Variants in DCHS2 observed in about 807,000 individuals in gnomAD.
The protein encoded by DCHS2 is protocadherin-23.
DCHS2 carries 142 observed loss-of-function variants against 182.4 expected under a neutral mutation model. The ratio of observed to expected loss-of-function variants is 0.78; its 90% CI spans 0.68 to 0.89. The LOEUF (loss-of-function observed/expected upper bound fraction) is 0.89. DCHS2 is among the 40% of genes least tolerant of loss of function. DCHS2 has a pLI of 0.00. For synonymous variants in DCHS2, 1,740 were observed against 1,663.3 expected (o/e 1.05, Z -1.12); for missense variants, 4,319 against 4,198.6 (o/e 1.03, Z -0.79).
chr4:154,383,391 C>T (rs898542563), intron 1 of DCHS2, among the ~76,000 whole-genome samples: 3 of 152,164 alleles, frequency 2.0e-5, no homozygotes, highest in African/African-American at 2.4e-5. Context: ...GCGATGGGAT[C>T]AATTGTACCC....
chr4:154,378,327 TG>T (rs1383384920), intron 1 of DCHS2, among the ~76,000 whole-genome samples: 5 of 151,944 alleles, frequency 3.3e-5, no homozygotes, highest in Non-Finnish European at 7.4e-5. Context: ...CATAGGCTCA[TG>T]ATAGATAATG....
chr4:154,267,657 G>C (rs569156783), intron 14 of DCHS2, among the ~76,000 whole-genome samples: 1 of 152,182 alleles, frequency 6.6e-6, no homozygotes, highest in South Asian at 2.1e-4. Flanking sequence ...TTTATGCCCT[G>C]GTGCTTCCTT....
At chr4:154,384,399 T>G in intron 1 of DCHS2, 2 of 1,613,570 alleles carry the variant, frequency 1.2e-6, no homozygotes, top group Non-Finnish European at 1.7e-6. Context: ...TGCGTTCTCT[T>G]CCTGGCTTCT....
At position 154,490,127 on chromosome 4, in the gene DCHS2, C is replaced by T. The variant is rs1338944148; in HGVS notation, c.1229G>A (p.Arg410Gln). Residue 410 changes from arginine (R) to glutamine (Q), a missense_variant, in exon 1 of 20, where the codon CGG becomes CAG. Transcript: ENST00000357232. The part of the protein sequence containing the change: ...SIAVLDVNDN[R>Q]PAIHVLFLTE... Reference sequence around the variant, plus strand: ...GAGAAAGAGCACGTGAATTGCTGGCCGGTTGTCATTCACGTCCAGCACGGC... The same window carrying T: ...GAGAAAGAGCACGTGAATTGCTGGCTGGTTGTCATTCACGTCCAGCACGGC... 112 of 1,547,704 alleles carry T rather than the reference C, an allele frequency of 7.2e-5. No individual in the cohort carries two copies. The highest frequency in any genetic ancestry group is 8.7e-5 in the Non-Finnish European group (100 of 1,145,154).
intron 13 of DCHS2, among the ~76,000 whole-genome samples, chr4:154,277,445 G>T (rs1733901728): frequency 6.6e-6 from 1 of 152,094 alleles, no homozygotes; most frequent in Non-Finnish European, 1.5e-5. Context: ...CCCTCAGAAA[G>T]AAACTGGCAA....
intron 3 of DCHS2, among the ~76,000 whole-genome samples, chr4:154,353,549 G>T (rs1185773289): frequency 1.3e-5 from 2 of 152,182 alleles, no homozygotes; most frequent in East Asian, 1.9e-4. Context: ...CACCCTCATT[G>T]TTCCCTGACT....
intron 2 of DCHS2, among the ~76,000 whole-genome samples, chr4:154,372,415 G>A (rs1371276262): frequency 6.6e-6 from 1 of 152,172 alleles, no homozygotes; most frequent in African/African-American, 2.4e-5. Flanking sequence ...CTTTTCTCAT[G>A]AATGTAAAGA....
At chr4:154,251,982 T>C (rs1164224521) in intron 16 of DCHS2, among the ~76,000 whole-genome samples, 1 of 151,640 alleles carries the variant, frequency 6.6e-6, no homozygotes, top group Non-Finnish European at 1.5e-5. Flanking sequence ...TTTTCTTCTA[T>C]GTGGCTTAAT....
At chr4:154,388,691 T>C (rs897753479) in intron 1 of DCHS2, among the ~76,000 whole-genome samples, 2 of 152,026 alleles carry the variant, frequency 1.3e-5, no homozygotes, top group African/African-American at 4.8e-5. Flanking sequence ...AGATGGGGTT[T>C]CACCGTGTTA....
intron 1 of DCHS2, among the ~76,000 whole-genome samples, chr4:154,386,886 ACTAT>A (rs1333181037): frequency 4.6e-5 from 7 of 152,224 alleles, no homozygotes; most frequent in South Asian, 4.1e-4. Context: ...CTCATAAAAC[ACTAT>A]CTATTAACGA....
intron 1 of DCHS2, among the ~76,000 whole-genome samples, chr4:154,389,516 T>A (rs1408159034): frequency 1.8e-5 from 2 of 111,132 alleles, no homozygotes; most frequent in African/African-American, 3.1e-5. Flanking sequence ...AAGACAAAGG[T>A]TATATATATA....
intron 3 of DCHS2, among the ~76,000 whole-genome samples, chr4:154,356,251 C>T (rs945838546): frequency 6.6e-6 from 1 of 151,868 alleles, no homozygotes; most frequent in African/African-American, 2.4e-5. Context: ...CAAAGAAAAG[C>T]TTATACAATA....
At chr4:154,314,406 A>C (rs1735775364) in intron 10 of DCHS2, among the ~76,000 whole-genome samples, 1 of 152,188 alleles carries the variant, frequency 6.6e-6, no homozygotes, top group African/African-American at 2.4e-5. Flanking sequence ...GACAGATTGG[A>C]GCAAACAATC....
chr4:154,381,216 T>C (rs1731151819), intron 1 of DCHS2, among the ~76,000 whole-genome samples: 1 of 152,126 alleles, frequency 6.6e-6, no homozygotes, highest in Admixed American at 6.6e-5. Flanking sequence ...CAGAGATGAA[T>C]CTGATACTTT....
rs142570492 is a variant in DCHS2 at position 154,288,108 on chromosome 4, T to C, written c.6463+9743A>G. ...AACACTGAATGTAACTGGACTAAAC[T>C]CCCCAATCAAAAGACATAGTATGGT... is the stretch of plus-strand genomic sequence containing the variant. On this transcript the variant is annotated intron_variant, in intron 13 of 19. Transcript: ENST00000357232. 3.1e-4 allele frequency among the ~76,000 whole-genome samples: 47 copies of C among 151,804 alleles called. No homozygotes were observed. The East Asian group carries it at 9.1e-3, about 29-fold the overall frequency.
intron 16 of DCHS2, among the ~76,000 whole-genome samples, chr4:154,247,873 A>G (rs532734336): frequency 6.6e-6 from 1 of 152,304 alleles, no homozygotes; most frequent in South Asian, 2.1e-4. Context: ...CTGCAAACCT[A>G]TTGGAAGAGA....
intron 9 of DCHS2, among the ~76,000 whole-genome samples, chr4:154,318,529 A>G (rs1490236331): frequency 6.6e-6 from 1 of 152,090 alleles, no homozygotes; most frequent in Non-Finnish European, 1.5e-5. Flanking sequence ...GGCAGGATAC[A>G]AAAATCAGTT....
chr4:154,472,862 T>G (rs1225097224), intron 1 of DCHS2, among the ~76,000 whole-genome samples: 1 of 152,048 alleles, frequency 6.6e-6, no homozygotes, highest in Non-Finnish European at 1.5e-5. Flanking sequence ...ATCTCTCAAT[T>G]GACTTCATTA....
intron 1 of DCHS2, among the ~76,000 whole-genome samples, chr4:154,425,292 C>A (rs946040836): frequency 1.3e-5 from 2 of 152,200 alleles, no homozygotes; most frequent in African/African-American, 4.8e-5. Flanking sequence ...GCTTAGAGCC[C>A]TTGTGGTTAT....
Sources: allele counts gnomAD v4.1 joint callset (sites outside exome capture counted in the v4.1 genomes callset), GRCh38; gene constraint gnomAD v4.1.1; transcripts MANE v1.5; gene names NCBI Gene and HGNC (gene_info 2026-07-23, HGNC 2026-07-21).